The following ESR2 variants were observed in gnomAD, a reference collection of about 807,000 sequenced individuals.
ESR2 encodes the protein estrogen receptor 2, also known as estrogen receptor beta.
A neutral mutation model predicts 49.6 loss-of-function variants in ESR2; 36 were observed. That is an observed-to-expected ratio of 0.73 (90% CI 0.56 to 0.96). The LOEUF (loss-of-function observed/expected upper bound fraction) is 0.96, where lower values mean the gene tolerates loss of function less well. Among genes scored for constraint, ESR2 ranks in the 40% least tolerant of loss-of-function variants. The pLI is 0.00. For missense variants in ESR2, 714 were observed against 693.0 expected (o/e 1.03, Z -0.34); for synonymous variants, 320 against 266.1 (o/e 1.20, Z -1.97).
intron 3 of ESR2, among the ~76,000 whole-genome samples, chr14:64,275,403 C>G (rs886576439): frequency 3.3e-5 from 5 of 152,090 alleles, no homozygotes; most frequent in African/African-American, 1.2e-4. Context: ...GCCACTCCTG[C>G]TCTTTTTTGG....
intron 1 of ESR2, among the ~76,000 whole-genome samples, chr14:64,301,070 A>G (rs999594377): frequency 3.4e-4 from 51 of 152,210 alleles, no homozygotes; most frequent in Admixed American, 3.1e-3. Context: ...TGAGAAGATT[A>G]AGACTCAGAG....
At chr14:64,288,697 ATCAG>A (rs2076821048) in intron 1 of ESR2, among the ~76,000 whole-genome samples, 1 of 150,890 alleles carries the variant, frequency 6.6e-6, no homozygotes, top group Admixed American at 6.6e-5. Flanking sequence ...TTAATAAGAA[ATCAG>A]TCACCCGGGC....
At chr14:64,320,296 T>C (rs144872727) in intron 1 of ESR2, among the ~76,000 whole-genome samples, 58 of 152,184 alleles carry the variant, frequency 3.8e-4, no homozygotes, top group African/African-American at 1.3e-3. Flanking sequence ...CCGGGCATGG[T>C]GGCATACACC....
In ESR2 at chr14:64,230,306, C is replaced by T. The variant is rs1044164567; in HGVS notation, c.*2831G>A. On this transcript the variant is annotated 3_prime_UTR_variant, in exon 9 of 9. Transcript: ENST00000341099. ...TGAATTTGAAAAGTCCCTTAGCAGA[C>T]GTAAATAAGAACTAAACCCTGCTTT... is the stretch of plus-strand genomic sequence containing the variant. Among the ~76,000 whole-genome samples the T allele has an allele frequency of 1.3e-5, 2 of 151,984 alleles. No individual in the cohort carries two copies. The highest frequency in any genetic ancestry group is 4.8e-5 in the African/African-American group (2 of 41,346).
At chr14:64,234,079 A>G (rs1225205166) in intron 8 of ESR2, 1 of 152,208 alleles carries the variant, frequency 6.6e-6, no homozygotes, top group Non-Finnish European at 1.5e-5. Context: ...AACACCACAA[A>G]TATTGATTTT....
At chr14:64,313,652 G>A (rs2077211784) in intron 1 of ESR2, among the ~76,000 whole-genome samples, 1 of 151,862 alleles carries the variant, frequency 6.6e-6, no homozygotes, top group Non-Finnish European at 1.5e-5. Flanking sequence ...CACTTTGGAA[G>A]GCTGAGGCGG....
intron 1 of ESR2, among the ~76,000 whole-genome samples, chr14:64,319,416 C>A (rs78604964): frequency 6.6e-6 from 1 of 150,712 alleles, no homozygotes; most frequent in African/African-American, 2.4e-5. Context: ...AAAAAAAAAA[C>A]TGACAAGTTG....
chr14:64,268,922 G>A lies in ESR2; in HGVS notation c.536-11C>T, dbSNP rs1308756622. The stretch of plus-strand genomic sequence containing the variant: ...TATAATCATTATGTCCTATAGCAGA[G>A]TGGGAGGGAAAAAAAGATTATTGCT... On this transcript the variant is annotated splice_polypyrimidine_tract_variant and intron_variant, in intron 3 of 8. Transcript: ENST00000341099. The A allele has an allele frequency of 1.2e-5, 17 of 1,452,462 alleles. No homozygotes were observed. Among genetic ancestry groups the A allele is most frequent in the Non-Finnish European group, 1.5e-5 (16 of 1,037,506 alleles). The allele number at this position is 1,452,462 out of a possible 1,614,324, so 90.0% of individuals were successfully genotyped here. A position where few individuals can be genotyped will look rare whatever the true frequency, so the allele number is the denominator to read the frequency against.
chr14:64,321,239 G>T (rs1364301952), intron 1 of ESR2, among the ~76,000 whole-genome samples: 2 of 151,500 alleles, frequency 1.3e-5, no homozygotes, highest in African/African-American at 2.4e-5. Flanking sequence ...AAAGGAAAAT[G>T]TATACACACA....
At position 64,319,198 on chromosome 14, in the gene ESR2, A is replaced by G. The variant is rs545690451; in HGVS notation, c.-91+18700T>C. Among the ~76,000 whole-genome samples the G allele has an allele frequency of 2.6e-5, 4 of 152,366 alleles. No individual in the cohort carries two copies. In the East Asian group the frequency reaches 7.7e-4, roughly 29 times the overall value. ...CTTTTCAACACATGGTACTAGAACA[A>G]CTACATACAACTACATATCCACATT... is the stretch of plus-strand genomic sequence containing the variant. On this transcript the variant is annotated intron_variant, in intron 1 of 8. Coordinates refer to the ESR2 transcript ENST00000358599.
chr14:64,306,127 T>C (rs1344673779), intron 1 of ESR2, among the ~76,000 whole-genome samples: 1 of 151,138 alleles, frequency 6.6e-6, no homozygotes, highest in Non-Finnish European at 1.5e-5. Flanking sequence ...GAGAATCACT[T>C]GAACCCGGGA....
intron 1 of ESR2, among the ~76,000 whole-genome samples, chr14:64,319,546 C>A (rs2077300915): frequency 6.6e-6 from 1 of 151,956 alleles, no homozygotes. Context: ...GATTGTTATC[C>A]CAAAATATAC....
At chr14:64,279,115 A>C (rs1395986938) in intron 3 of ESR2, among the ~76,000 whole-genome samples, 1 of 152,238 alleles carries the variant, frequency 6.6e-6, no homozygotes, top group Non-Finnish European at 1.5e-5. Flanking sequence ...ATCAATTGCC[A>C]ATCAGAAAAT....
chr14:64,268,950 G>A, intron 3 of ESR2, 39 bp from the exon 4 acceptor site: 3 of 1,132,286 alleles, frequency 2.6e-6, no homozygotes, highest in Non-Finnish European at 4.0e-6. Context: ...TTATTGCTAT[G>A]ATCTCTTAGT....
chr14:64,269,167 GATATAAA>G (rs2076389753), intron 3 of ESR2, among the ~76,000 whole-genome samples: 1 of 152,184 alleles, frequency 6.6e-6, no homozygotes, highest in Admixed American at 6.5e-5. Context: ...TCAAAAGAGA[GATATAAA>G]AATATATCCT....
chr14:64,335,458 C>A (rs949501405), intron 1 of ESR2, among the ~76,000 whole-genome samples: 1 of 152,212 alleles, frequency 6.6e-6, no homozygotes, highest in African/African-American at 2.4e-5. Flanking sequence ...GGTGAGGACT[C>A]TTCCTAATTT....
At chr14:64,260,159 A>G in intron 5 of ESR2, 1 of 648,400 alleles carries the variant, frequency 1.5e-6, no homozygotes, top group East Asian at 3.2e-5. Flanking sequence ...AAAAGAAGGC[A>G]GTCAAGAATA....
intron 1 of ESR2, among the ~76,000 whole-genome samples, chr14:64,318,537 CAAAAAAAAAAAAAAAAA>C (rs58597271): frequency 5.4e-3 from 175 of 32,438 alleles, no homozygotes; most frequent in Non-Finnish European, 7.8e-3. Flanking sequence ...AACTCCATCT[CAAAAAAAAAAAAAAAAA>C]AAAAAAAAAA....
At chr14:64,333,808 G>T (rs1387332858) in intron 1 of ESR2, among the ~76,000 whole-genome samples, 1 of 152,184 alleles carries the variant, frequency 6.6e-6, no homozygotes, top group Non-Finnish European at 1.5e-5. Flanking sequence ...AATTCAAGAT[G>T]AGATTTGGGT....
Sources: gnomAD v4.1 joint callset for allele counts (sites outside exome capture counted in the v4.1 genomes callset) on GRCh38, gnomAD v4.1.1 for gene constraint, MANE v1.5 for transcripts, NCBI Gene and HGNC (gene_info 2026-07-23, HGNC 2026-07-21) for gene names.